The following C3orf70 variants were observed in gnomAD, a reference collection of about 807,000 sequenced individuals.
The protein encoded by C3orf70 is chromosome 3 open reading frame 70, also known as UPF0524 protein C3orf70.
Under a neutral mutation model 20.7 loss-of-function variants are expected in C3orf70, and 15 were observed. That is an observed-to-expected ratio of 0.72 (90% CI 0.48 to 1.11). C3orf70 has a LOEUF of 1.11. C3orf70 is among the 50% of genes most tolerant of loss of function. The probability of loss-of-function intolerance (pLI) is 0.00; values close to 1 mark genes in which losing one functional copy is unlikely to be tolerated. For missense variants in C3orf70, 332 were observed against 317.6 expected, an observed-to-expected ratio of 1.05 and a Z score of -0.34; for synonymous variants, 161 against 125.7, an observed-to-expected ratio of 1.28 and a Z score of -1.88.
intron 1 of C3orf70, among the ~76,000 whole-genome samples, chr3:185,135,695 A>AC (rs922648572): frequency 6.6e-6 from 1 of 152,186 alleles, no homozygotes; most frequent in Admixed American, 6.5e-5. Context: ...AGTGATGAAT[A>AC]CCCAAAATGC....
intron 1 of C3orf70, 42 bp downstream of exon 1, chr3:185,152,586 C>G (rs573496843): frequency 6.6e-7 from 1 of 1,507,342 alleles, no homozygotes; most frequent in Non-Finnish European, 8.9e-7. Context: ...GCGGGCGTCC[C>G]CCGGACCGCG....
At chr3:185,118,967 A>G (rs1187130507) in intron 1 of C3orf70, among the ~76,000 whole-genome samples, 2 of 152,192 alleles carry the variant, frequency 1.3e-5, no homozygotes, top group Non-Finnish European at 2.9e-5. Context: ...ATGTCTGTAA[A>G]TTTCTCCTGG....
At position 185,082,819 on chromosome 3, in the gene C3orf70, T is replaced by A; in HGVS notation, c.*188A>T. 2 of 597,816 alleles carry A rather than the reference T, an allele frequency of 3.3e-6. No individual in the cohort carries two copies. Among genetic ancestry groups the A allele is most frequent in the Non-Finnish European group, 5.9e-6 (2 of 341,298 alleles). The allele number at this position is 597,816 out of a possible 1,614,324, so 37.0% of individuals were successfully genotyped here. A position where few individuals can be genotyped will look rare whatever the true frequency, so the allele number is the denominator to read the frequency against. ...TCAGGATACAAAAGAAAACTGTTTA[T>A]AATAAAAAGAATGTCTTAGTTGTAA... On this transcript the variant is annotated 3_prime_UTR_variant, in exon 2 of 2. Coordinates refer to ENST00000335012, the MANE Select transcript of C3orf70 (RefSeq NM_001025266.3).
intron 1 of C3orf70, among the ~76,000 whole-genome samples, chr3:185,118,506 AG>A (rs1371121596): frequency 6.6e-6 from 1 of 152,134 alleles, no homozygotes; most frequent in African/African-American, 2.4e-5. Flanking sequence ...CTTAATACAG[AG>A]GGGGTACTCA....
chr3:185,145,000 C>T (rs1577335994), intron 1 of C3orf70, among the ~76,000 whole-genome samples: 1 of 152,222 alleles, frequency 6.6e-6, no homozygotes, highest in Non-Finnish European at 1.5e-5. Flanking sequence ...AACAATAAGA[C>T]TCACAGTTCA....
chr3:185,091,945 A>C (rs1347559320), intron 1 of C3orf70, among the ~76,000 whole-genome samples: 1 of 6,924 alleles, frequency 1.4e-4, no homozygotes, highest in African/African-American at 6.6e-4. Flanking sequence ...ATATATATAT[A>C]TATATATATA....
chr3:185,144,956 G>A (rs1008312393), intron 1 of C3orf70, among the ~76,000 whole-genome samples: 3 of 152,182 alleles, frequency 2.0e-5, no homozygotes, highest in Non-Finnish European at 4.4e-5. Context: ...TGAAGCAACA[G>A]GAGGTTTAGT....
Position 185,152,520 on chromosome 3 carries a change from G to T in C3orf70, c.196+108C>A, listed in dbSNP as rs760109296. 663 of 988,650 alleles carry T rather than the reference G, an allele frequency of 6.7e-4. 2 individuals carry two copies. Among genetic ancestry groups the T allele is most frequent in the Non-Finnish European group, 7.6e-4 (550 of 719,872 alleles). 61.2% of individuals were successfully genotyped at this position (988,650 alleles called of 1,614,324 possible). ...CCCCAGCCTCCGGCAGAGCAGCCCC[G>T]GCAGAGCCCGGAGCCCCGCGGCCGC... On this transcript the variant is annotated intron_variant, in intron 1 of 1. Transcript: ENST00000335012.
chr3:185,148,879 T>A (rs1170564961), intron 1 of C3orf70, among the ~76,000 whole-genome samples: 1 of 152,246 alleles, frequency 6.6e-6, no homozygotes, highest in Non-Finnish European at 1.5e-5. Flanking sequence ...GTGCTTTATG[T>A]CTTTTATGGA....
At chr3:185,134,238 G>C (rs1386187962) in intron 1 of C3orf70, among the ~76,000 whole-genome samples, 2 of 152,114 alleles carry the variant, frequency 1.3e-5, no homozygotes, top group African/African-American at 2.4e-5. Flanking sequence ...ACACCAAATA[G>C]TTTGACTTTT....
At chr3:185,101,095 A>G (rs1316539139) in intron 1 of C3orf70, among the ~76,000 whole-genome samples, 1 of 152,190 alleles carries the variant, frequency 6.6e-6, no homozygotes, top group East Asian at 1.9e-4. Context: ...GGCAAATTCT[A>G]TCAGATATAT....
Position 185,081,689 on chromosome 3 carries a change from C to A in C3orf70, c.*1318G>T, listed in dbSNP as rs1317001131. The A allele has an allele frequency of 6.6e-6, 1 of 152,540 alleles. No individual in the cohort carries two copies. The highest frequency in any genetic ancestry group is 1.5e-5 in the Non-Finnish European group (1 of 68,028). 9.4% of individuals were successfully genotyped at this position (152,540 alleles called of 1,614,324 possible). A position where few individuals can be genotyped will look rare whatever the true frequency, so the allele number is the denominator to read the frequency against. The stretch of plus-strand genomic sequence containing the variant: ...AGTAGAAGTAGAATTCTGAAGAGAG[C>A]TAAATAAGAAAGAATTAGTCACTAT... On this transcript the variant is annotated 3_prime_UTR_variant, in exon 2 of 2. Coordinates refer to ENST00000335012, the MANE Select transcript of C3orf70 (RefSeq NM_001025266.3).
At chr3:185,086,510 A>G (rs1715461509) in intron 1 of C3orf70, among the ~76,000 whole-genome samples, 1 of 152,206 alleles carries the variant, frequency 6.6e-6, no homozygotes, top group Non-Finnish European at 1.5e-5. Flanking sequence ...ATGTGAGGGT[A>G]CAGCATCTGC....
chr3:185,091,959 ATATATTTTTT>A (rs1561331120), intron 1 of C3orf70, among the ~76,000 whole-genome samples: 6 of 7,034 alleles, frequency 8.5e-4, no homozygotes, highest in East Asian at 4.9e-3. Flanking sequence ...ATATATATAT[ATATATTTTTT>A]TTTTTTTTTA....
chr3:185,130,767 A>G (rs1477998626), intron 1 of C3orf70, among the ~76,000 whole-genome samples: 1 of 152,154 alleles, frequency 6.6e-6, no homozygotes, highest in East Asian at 1.9e-4. Context: ...AGGTCCATCC[A>G]TGTTACTGAA....
At chr3:185,115,237 T>C (rs1716152554) in intron 1 of C3orf70, among the ~76,000 whole-genome samples, 2 of 151,358 alleles carry the variant, frequency 1.3e-5, no homozygotes, top group African/African-American at 4.9e-5. Context: ...GTCCCTTTTA[T>C]AATCTAAAAT....
chr3:185,120,783 G>T (rs1309321831), intron 1 of C3orf70, among the ~76,000 whole-genome samples: 1 of 151,716 alleles, frequency 6.6e-6, no homozygotes, highest in African/African-American at 2.4e-5. Flanking sequence ...CTGCTGGTGG[G>T]AATGTAAACT....
In C3orf70 at chr3:185,080,925, A is replaced by G. The variant is rs1715322529; in HGVS notation, c.*2082T>C. On this transcript the variant is annotated 3_prime_UTR_variant, in exon 2 of 2. Transcript: ENST00000335012. ...TGCCGCATTCTCATTTAGCATAGAA[A>G]GTTTTAACTCATACTGTTTGCAAAG... 1 of 152,198 alleles carries G rather than the reference A, an allele frequency of 6.6e-6. No homozygotes were observed. The highest frequency in any genetic ancestry group is 1.5e-5 in the Non-Finnish European group (1 of 68,034). 9.4% of individuals were successfully genotyped at this position (152,198 alleles called of 1,614,324 possible).
intron 1 of C3orf70, among the ~76,000 whole-genome samples, chr3:185,150,843 C>T (rs1366161489): frequency 6.6e-6 from 1 of 152,072 alleles, no homozygotes; most frequent in African/African-American, 2.4e-5. Flanking sequence ...AAAGGAAAGG[C>T]AGAAGGGACT....
Sources: gnomAD v4.1 joint callset for allele counts (sites outside exome capture counted in the v4.1 genomes callset) on GRCh38, gnomAD v4.1.1 for gene constraint, MANE v1.5 for transcripts, NCBI Gene and HGNC (gene_info 2026-07-23, HGNC 2026-07-21) for gene names.